HFM1: variants seen among roughly 807,000 people sequenced by gnomAD.
HFM1 encodes helicase for meiosis 1.
In HFM1, 169 loss-of-function variants were observed where a neutral mutation model predicts 192.1. That is an observed-to-expected ratio of 0.88 (90% CI 0.78 to 1.00). HFM1 has a LOEUF of 1.00. HFM1 is among the 50% of genes least tolerant of loss of function. The pLI, the probability that HFM1 is intolerant of heterozygous loss-of-function variation, is 0.00. For synonymous variants in HFM1, 525 were observed against 537.8 expected (o/e 0.98, Z 0.33); for missense variants, 1,661 against 1,668.0 (o/e 1.00, Z 0.07).
chr1:91,265,221 T>G (rs1478090382), intron 36 of HFM1, among the ~76,000 whole-genome samples: 7 of 152,186 alleles, frequency 4.6e-5, no homozygotes, highest in African/African-American at 1.4e-4. Flanking sequence ...AGGTAAAAAC[T>G]AGAGGGCCCT....
At chr1:91,357,296 A>G (rs1178603213) in intron 13 of HFM1, among the ~76,000 whole-genome samples, 1 of 152,254 alleles carries the variant, frequency 6.6e-6, no homozygotes. Context: ...CTGGTTTAAT[A>G]TATGCCAATC....
At chr1:91,304,626 C>T (rs1048747463) in intron 30 of HFM1, among the ~76,000 whole-genome samples, 2 of 123,088 alleles carry the variant, frequency 1.6e-5, no homozygotes, top group Admixed American at 9.4e-5. Context: ...ATCACCACAG[C>T]CGGCTAATTT....
At chr1:91,276,908 T>C in intron 31 of HFM1, 74 bp downstream of exon 31, 1 of 896,846 alleles carries the variant, frequency 1.1e-6, no homozygotes, top group Non-Finnish European at 1.7e-6. Context: ...CATACATAAT[T>C]AGGATGTCAT....
At chr1:91,383,854 C>A (rs903798206) in intron 6 of HFM1, among the ~76,000 whole-genome samples, 10 of 151,988 alleles carry the variant, frequency 6.6e-5, no homozygotes, top group Admixed American at 6.6e-4. Flanking sequence ...GCGATAGATA[C>A]ATTAATTAGC....
intron 20 of HFM1, among the ~76,000 whole-genome samples, chr1:91,335,007 T>C (rs922167119): frequency 1.3e-5 from 2 of 151,814 alleles, no homozygotes; most frequent in African/African-American, 2.4e-5. Flanking sequence ...TATGAACACA[T>C]AGAAAACAGC....
intron 6 of HFM1, among the ~76,000 whole-genome samples, chr1:91,381,324 T>C (rs1378423599): frequency 6.6e-6 from 1 of 152,216 alleles, no homozygotes; most frequent in Non-Finnish European, 1.5e-5. Flanking sequence ...CTTTTTCTTA[T>C]TTACCTTGAC....
Position 91,324,853 on chromosome 1 carries a change from G to A in HFM1, c.2336-87C>T, listed in dbSNP as rs189506549. On this transcript the variant is annotated intron_variant, in intron 20 of 38. Transcript: ENST00000370425. ...GTTTAACAAACATTTCCTGAGGGGA[G>A]GAGAAGCAAGATGGTAGAACAGAAG... is the stretch of plus-strand genomic sequence containing the variant. 9.4e-6 allele frequency: 7 copies of A among 744,546 alleles called. No individual in the cohort carries two copies. The African/African-American group carries it at 1.1e-4, about 11-fold the overall frequency. 46.1% of individuals were successfully genotyped at this position (744,546 alleles called of 1,614,324 possible).
intron 4 of HFM1, among the ~76,000 whole-genome samples, chr1:91,393,440 C>T (rs1013224814): frequency 2.6e-4 from 40 of 152,118 alleles, no homozygotes; most frequent in African/African-American, 9.4e-4. Context: ...CACCTTCCCC[C>T]GAACCTGTTC....
At position 91,319,100 on chromosome 1, in the gene HFM1, T is replaced by C; in HGVS notation, c.2790A>G (p.Val930=). 1 of 1,605,522 alleles carries C rather than the reference T, an allele frequency of 6.2e-7. No homozygotes were observed. Among genetic ancestry groups the C allele is most frequent in the Non-Finnish European group, 8.5e-7 (1 of 1,177,786 alleles). The change falls in exon 25 of 39, where the codon GTA becomes GTG. Residue 930 remains valine, a synonymous_variant. Transcript: ENST00000370425. ...RCKLWENSLH[V]SKQLEKIGIT... ...TACCAATTTTTTCCAGTTGTTTGGA[T>C]ACATGCAGAGAGTTTTCCCAAAGTT... is the stretch of plus-strand genomic sequence containing the variant.
intron 20 of HFM1, among the ~76,000 whole-genome samples, chr1:91,337,809 C>CTGACCA (rs1312146955): frequency 6.6e-6 from 1 of 152,196 alleles, no homozygotes; most frequent in Non-Finnish European, 1.5e-5. Context: ...TCAACAGAAT[C>CTGACCA]TGACCATGTC....
chr1:91,387,371 A>C lies in HFM1; in HGVS notation c.495-1537T>G, dbSNP rs541863396. Reference sequence around the variant, plus strand: ...CCACAAGCCAGTTATCCCTGTGGTAACTTTTCTGACACCTCCTGCTTAAAA... The same window carrying C: ...CCACAAGCCAGTTATCCCTGTGGTACCTTTTCTGACACCTCCTGCTTAAAA... On this transcript the variant is annotated intron_variant, in intron 4 of 38. Coordinates refer to ENST00000370425, the MANE Select transcript of HFM1 (RefSeq NM_001017975.6). 1.5e-3 allele frequency among the ~76,000 whole-genome samples: 224 copies of C among 151,996 alleles called. 1 individual carries two copies. Among genetic ancestry groups the C allele is most frequent in the Admixed American group, 3.0e-3 (45 of 15,254 alleles).
chr1:91,294,802 T>G (rs572109607), intron 30 of HFM1, among the ~76,000 whole-genome samples: 1 of 152,228 alleles, frequency 6.6e-6, no homozygotes, highest in African/African-American at 2.4e-5. Context: ...AGTACTGCTA[T>G]GAACATTCCA....
chr1:91,271,417 C>T (rs889937121), intron 34 of HFM1, among the ~76,000 whole-genome samples: 6 of 152,074 alleles, frequency 3.9e-5, no homozygotes, highest in Non-Finnish European at 7.4e-5. Context: ...CAATTGGTTC[C>T]TTTTCTTGTG....
intron 38 of HFM1, 98 bp from the exon 39 acceptor site, chr1:91,261,457 C>G (rs189865275): frequency 2.0e-6 from 1 of 498,792 alleles, no homozygotes; most frequent in East Asian, 3.6e-5. Context: ...ATAAAATAAA[C>G]TTGAAGATTG....
intron 1 of HFM1, among the ~76,000 whole-genome samples, chr1:91,403,647 T>C (rs1425579770): frequency 2.0e-5 from 3 of 152,194 alleles, no homozygotes; most frequent in Admixed American, 6.5e-5. Context: ...CAAAATTAGA[T>C]TGCCAAACAC....
Position 91,386,166 on chromosome 1 carries a change from G to A in HFM1, c.495-332C>T, listed in dbSNP as rs528051396. Among the ~76,000 whole-genome samples the A allele has an allele frequency of 5.3e-4, 81 of 152,316 alleles. 1 individual carries two copies. The highest frequency in any genetic ancestry group is 1.7e-3 in the South Asian group (8 of 4,832). ...CTAACTAGCAGAGTACTGCAGAAGT[G>A]TAAATGTTTGACTTACAAGGCTAGG... On this transcript the variant is annotated intron_variant, in intron 4 of 38. Transcript: ENST00000370425.
chr1:91,405,925 G>C (rs1345136486), upstream of HFM1, among the ~76,000 whole-genome samples: 1 of 152,158 alleles, frequency 6.6e-6, no homozygotes, highest in Non-Finnish European at 1.5e-5. Flanking sequence ...ACTTTCCATA[G>C]ACTGCATAGA....
intron 34 of HFM1, among the ~76,000 whole-genome samples, chr1:91,271,981 T>C (rs1396930162): frequency 6.6e-6 from 1 of 152,176 alleles, no homozygotes; most frequent in Non-Finnish European, 1.5e-5. Flanking sequence ...ATTTAAATCT[T>C]ATGATTCAAC....
chr1:91,402,680 A>G (rs544819018), intron 1 of HFM1, among the ~76,000 whole-genome samples: 1 of 152,272 alleles, frequency 6.6e-6, no homozygotes, highest in South Asian at 2.1e-4. Context: ...ATATTGCCCA[A>G]AAAGTAACAA....
Sources: gnomAD v4.1 joint callset for allele counts (sites outside exome capture counted in the v4.1 genomes callset) on GRCh38, gnomAD v4.1.1 for gene constraint, MANE v1.5 for transcripts, NCBI Gene and HGNC (gene_info 2026-07-23, HGNC 2026-07-21) for gene names.